Variants in SLC4A10 observed in about 807,000 individuals in gnomAD.
SLC4A10 encodes the protein solute carrier family 4 member 10.
A neutral mutation model predicts 137.7 loss-of-function variants in SLC4A10; 42 were observed. That is an observed-to-expected ratio of 0.30 (90% confidence interval 0.24 to 0.39). The LOEUF is 0.39. Among genes scored for constraint, SLC4A10 ranks in the 10% least tolerant of loss-of-function variants. The pLI is 1.00. For synonymous variants in SLC4A10, 474 were observed against 464.1 expected (o/e 1.02, Z -0.27); for missense variants, 925 against 1,355.0 (o/e 0.68, Z 4.98).
intron 1 of SLC4A10, among the ~76,000 whole-genome samples, chr2:161,723,323 G>A (rs1186617458): frequency 6.6e-6 from 1 of 152,154 alleles, no homozygotes; most frequent in Admixed American, 6.5e-5. Flanking sequence ...CTCATGGGTT[G>A]GCTGTCACTC....
intron 15 of SLC4A10, among the ~76,000 whole-genome samples, chr2:161,930,032 A>C (rs1340573287): frequency 6.6e-6 from 1 of 152,188 alleles, no homozygotes; most frequent in Non-Finnish European, 1.5e-5. Context: ...TCATCTCCTA[A>C]GCTACCTGGT....
chr2:161,894,932 C>T (rs953189042), intron 11 of SLC4A10, 107 bp downstream of exon 11: 2 of 668,656 alleles, frequency 3.0e-6, no homozygotes, highest in East Asian at 8.4e-5. Context: ...TATTATTATA[C>T]TTTAAGTTTT....
chr2:161,753,425 A>G (rs947790235), intron 1 of SLC4A10, among the ~76,000 whole-genome samples: 1 of 152,164 alleles, frequency 6.6e-6, no homozygotes, highest in Non-Finnish European at 1.5e-5. Context: ...GAAGATTTAA[A>G]TTTAGCCAAA....
At chr2:161,853,262 T>A (rs895957832) in intron 4 of SLC4A10, among the ~76,000 whole-genome samples, 5 of 152,184 alleles carry the variant, frequency 3.3e-5, no homozygotes, top group African/African-American at 1.2e-4. Context: ...ACAATTCATG[T>A]CCATCATGAA....
At chr2:161,892,662 G>A (rs959166976) in intron 10 of SLC4A10, among the ~76,000 whole-genome samples, 1 of 151,954 alleles carries the variant, frequency 6.6e-6, no homozygotes, top group African/African-American at 2.4e-5. Context: ...AATTTTCCTG[G>A]CAATTTTGGG....
At chr2:161,899,451 A>C (rs754696340) in intron 11 of SLC4A10, among the ~76,000 whole-genome samples, 2 of 152,064 alleles carry the variant, frequency 1.3e-5, no homozygotes, top group African/African-American at 2.4e-5. Flanking sequence ...ACTAAAATAC[A>C]TACGAGAACA....
intron 1 of SLC4A10, among the ~76,000 whole-genome samples, chr2:161,698,641 C>A (rs377457707): frequency 1.3e-5 from 2 of 152,114 alleles, no homozygotes; most frequent in Non-Finnish European, 1.5e-5. Flanking sequence ...CCAGCCTTGC[C>A]TCCCAGGGAT....
At chr2:161,758,432 T>C (rs1574808370) in intron 1 of SLC4A10, among the ~76,000 whole-genome samples, 1 of 151,984 alleles carries the variant, frequency 6.6e-6, no homozygotes, top group African/African-American at 2.4e-5. Context: ...TTTCCCAATT[T>C]GTTGAATCCA....
intron 4 of SLC4A10, among the ~76,000 whole-genome samples, chr2:161,845,226 T>G (rs72879284): frequency 0.053 from 8,047 of 152,218 alleles, 301 homozygotes; most frequent in Non-Finnish European, 0.073. Context: ...AAGAGAGATA[T>G]AGTTATGTAT....
chr2:161,810,194 C>T (rs999158110), intron 3 of SLC4A10, among the ~76,000 whole-genome samples: 4 of 151,960 alleles, frequency 2.6e-5, no homozygotes, highest in African/African-American at 7.2e-5. Flanking sequence ...TACAGAAATA[C>T]TATTGACTTT....
At chr2:161,726,761 T>C (rs992987207) in intron 1 of SLC4A10, among the ~76,000 whole-genome samples, 1 of 152,082 alleles carries the variant, frequency 6.6e-6, no homozygotes, top group Admixed American at 6.5e-5. Context: ...ATACAAAATT[T>C]AACTAGGTGT....
intron 1 of SLC4A10, among the ~76,000 whole-genome samples, chr2:161,653,349 CT>C (rs1343530489): frequency 6.6e-6 from 1 of 152,074 alleles, no homozygotes; most frequent in East Asian, 1.9e-4. Flanking sequence ...ATTTATAATC[CT>C]TTGGGTATAT....
intron 1 of SLC4A10, among the ~76,000 whole-genome samples, chr2:161,745,671 C>A (rs2048318313): frequency 6.6e-6 from 1 of 152,088 alleles, no homozygotes; most frequent in Non-Finnish European, 1.5e-5. Flanking sequence ...TTATTCTAAT[C>A]TTCCCAGTCT....
At chr2:161,685,198 T>C (rs2041252344) in intron 1 of SLC4A10, among the ~76,000 whole-genome samples, 2 of 152,224 alleles carry the variant, frequency 1.3e-5, no homozygotes, top group African/African-American at 2.4e-5. Flanking sequence ...TAAAAACTAA[T>C]GATAGCTGCT....
At chr2:161,738,579 G>A (rs144366097) in intron 1 of SLC4A10, among the ~76,000 whole-genome samples, 3 of 152,340 alleles carry the variant, frequency 2.0e-5, no homozygotes, top group Non-Finnish European at 2.9e-5. Flanking sequence ...TACATGTCCA[G>A]TTAGGTTACA....
intron 1 of SLC4A10, among the ~76,000 whole-genome samples, chr2:161,669,962 A>G (rs981922617): frequency 6.6e-6 from 1 of 152,076 alleles, no homozygotes; most frequent in Non-Finnish European, 1.5e-5. Flanking sequence ...ATCTGTTGTT[A>G]AACTGTTAAA....
At chr2:161,638,385 C>T (rs903989146) in intron 1 of SLC4A10, among the ~76,000 whole-genome samples, 1 of 151,974 alleles carries the variant, frequency 6.6e-6, no homozygotes, top group Non-Finnish European at 1.5e-5. Context: ...ATTGACAAGG[C>T]TTTTTCCAAT....
At chr2:161,660,984 A>T (rs1044363670) in intron 1 of SLC4A10, among the ~76,000 whole-genome samples, 4 of 151,980 alleles carry the variant, frequency 2.6e-5, no homozygotes, top group Admixed American at 2.6e-4. Context: ...CTATTAAATT[A>T]GATTTATAAA....
At chr2:161,959,182 G>A (rs1019644401) in intron 21 of SLC4A10, among the ~76,000 whole-genome samples, 6 of 152,156 alleles carry the variant, frequency 3.9e-5, no homozygotes, top group African/African-American at 1.2e-4. Flanking sequence ...GTGATATCCC[G>A]GGGGTTTTCC....
Sources: gnomAD v4.1 joint callset for allele counts (sites outside exome capture counted in the v4.1 genomes callset) on GRCh38, gnomAD v4.1.1 for gene constraint, MANE v1.5 for transcripts, NCBI Gene and HGNC (gene_info 2026-07-23, HGNC 2026-07-21) for gene names.